The following CYP7B1 variants were observed in gnomAD, a reference collection of about 807,000 sequenced individuals.
The protein encoded by CYP7B1 is cytochrome P450 family 7 subfamily B member 1, also known as cytochrome P450 7B1.
Under a neutral mutation model 42.7 loss-of-function variants are expected in CYP7B1, and 29 were observed. That is an observed-to-expected ratio of 0.68 (90% CI 0.51 to 0.93). The LOEUF (loss-of-function observed/expected upper bound fraction) is 0.93. Ranked by LOEUF, CYP7B1 falls within the 40% of genes least tolerant of loss-of-function variation. CYP7B1 has a pLI of 0.00. For missense variants in CYP7B1, 655 were observed against 600.5 expected, an observed-to-expected ratio of 1.09 and a Z score of -0.95; for synonymous variants, 235 against 218.2, an observed-to-expected ratio of 1.08 and a Z score of -0.68.
At chr8:64,753,778 G>T (rs77795598) in intron 1 of CYP7B1, among the ~76,000 whole-genome samples, 3,029 of 152,348 alleles carry the variant, frequency 0.02, 107 homozygotes, top group African/African-American at 0.067. Context: ...GCGAGGAGAG[G>T]CCTCTCTGAG....
chr8:64,774,313 C>A (rs1804285343), intron 1 of CYP7B1, among the ~76,000 whole-genome samples: 1 of 152,148 alleles, frequency 6.6e-6, no homozygotes, highest in Non-Finnish European at 1.5e-5. Context: ...GCTAACAAAG[C>A]ATGTATATAG....
At chr8:64,599,544 G>C (rs1023434603) in intron 5 of CYP7B1, among the ~76,000 whole-genome samples, 1 of 152,164 alleles carries the variant, frequency 6.6e-6, no homozygotes, top group African/African-American at 2.4e-5. Flanking sequence ...CAATTAAAGA[G>C]AGCCAATTAA....
chr8:64,702,753 C>T (rs1274413204), intron 1 of CYP7B1, among the ~76,000 whole-genome samples: 4 of 151,900 alleles, frequency 2.6e-5, no homozygotes, highest in East Asian at 1.9e-4. Context: ...CTGGTGTGTG[C>T]GAAATAGTAT....
rs531324759 is a variant in CYP7B1, at chr8:64,592,861, T to C, written c.*3781A>G. Among the ~76,000 whole-genome samples, 1 of 152,370 alleles carries C rather than the reference T, an allele frequency of 6.6e-6. No individual in the cohort carries two copies. Among genetic ancestry groups the C allele is most frequent in the South Asian group, 2.1e-4 (1 of 4,832 alleles). On this transcript the variant is annotated 3_prime_UTR_variant, in exon 6 of 6. Transcript: ENST00000310193. ...ATGTCACAGCCAGAATCTGCATCTT[T>C]TAACTGATTTGTCCAGGACATGTTT...
At chr8:64,673,348 T>C (rs1806395266) in intron 1 of CYP7B1, among the ~76,000 whole-genome samples, 2 of 152,170 alleles carry the variant, frequency 1.3e-5, no homozygotes, top group South Asian at 4.1e-4. Context: ...TGATTTCAGA[T>C]GGCTTCCCAT....
chr8:64,749,564 T>C (rs891248785), intron 1 of CYP7B1, among the ~76,000 whole-genome samples: 3 of 152,204 alleles, frequency 2.0e-5, no homozygotes, highest in African/African-American at 7.2e-5. Flanking sequence ...TGAAGACTTA[T>C]TGAATCCTAA....
chr8:64,675,449 ATTAT>A, intron 1 of CYP7B1, among the ~76,000 whole-genome samples: 1 of 150,774 alleles, frequency 6.6e-6, no homozygotes, highest in South Asian at 2.1e-4. Flanking sequence ...GCATTATTTT[ATTAT>A]TTATTAATTT....
Position 64,615,389 on chromosome 8 carries a change from A to G in CYP7B1, c.851-157T>C, listed in dbSNP as rs995659735. On this transcript the variant is annotated intron_variant, in intron 3 of 5. Transcript: ENST00000310193. ...CTTCTGAAGTCTAATTTTCTGCTTAATGAGAATAGTTTAAAATGTAATGTG... is the reference window on the plus strand; with the variant it reads ...CTTCTGAAGTCTAATTTTCTGCTTAGTGAGAATAGTTTAAAATGTAATGTG... 4.6e-4 allele frequency among the ~76,000 whole-genome samples: 66 copies of G among 144,526 alleles called. 1 individual carries two copies. The highest frequency in any genetic ancestry group is 4.4e-3 in the Admixed American group (64 of 14,392). 94.8% of individuals were successfully genotyped at this position (144,526 alleles called of 152,430 possible).
At chr8:64,784,661 T>G (rs1382943257) in intron 1 of CYP7B1, among the ~76,000 whole-genome samples, 1 of 152,198 alleles carries the variant, frequency 6.6e-6, no homozygotes, top group African/African-American at 2.4e-5. Context: ...TCCAGGAATG[T>G]TTGATGCTCT....
At chr8:64,766,890 C>T (rs1405729936) in intron 1 of CYP7B1, among the ~76,000 whole-genome samples, 1 of 152,140 alleles carries the variant, frequency 6.6e-6, no homozygotes, top group Non-Finnish European at 1.5e-5. Flanking sequence ...GTCTCCTGGA[C>T]ACTGGTACAG....
At chr8:64,659,462 T>C (rs1350316709) in intron 1 of CYP7B1, among the ~76,000 whole-genome samples, 4 of 152,170 alleles carry the variant, frequency 2.6e-5, no homozygotes, top group South Asian at 2.1e-4. Context: ...TGATACAACA[T>C]ATACAATGCT....
At chr8:64,752,631 C>T (rs1030513406) in intron 1 of CYP7B1, among the ~76,000 whole-genome samples, 1 of 152,168 alleles carries the variant, frequency 6.6e-6, no homozygotes, top group Non-Finnish European at 1.5e-5. Context: ...CTAATGTTCT[C>T]TGTGTGAAAT....
intron 1 of CYP7B1, among the ~76,000 whole-genome samples, chr8:64,765,472 AC>A (rs2129633832): frequency 6.6e-6 from 1 of 152,338 alleles, no homozygotes; most frequent in Admixed American, 6.5e-5. Context: ...ATACTCAGGA[AC>A]CCAGCCCAGC....
chr8:64,742,351 C>T (rs1377220227), intron 1 of CYP7B1, among the ~76,000 whole-genome samples: 8 of 151,672 alleles, frequency 5.3e-5, no homozygotes, highest in South Asian at 2.1e-4. Flanking sequence ...TTTATATTTG[C>T]GGAGTAGTTT....
At chr8:64,648,222 T>A (rs1805983608) in intron 1 of CYP7B1, among the ~76,000 whole-genome samples, 1 of 152,202 alleles carries the variant, frequency 6.6e-6, no homozygotes, top group African/African-American at 2.4e-5. Flanking sequence ...GCCTTGTAAT[T>A]CACTTCTTAT....
intron 1 of CYP7B1, among the ~76,000 whole-genome samples, chr8:64,687,791 T>C (rs989846173): frequency 1.3e-5 from 2 of 152,208 alleles, no homozygotes; most frequent in African/African-American, 2.4e-5. Flanking sequence ...TTACTCCATA[T>C]AGCTGGGAAA....
intron 1 of CYP7B1, among the ~76,000 whole-genome samples, chr8:64,658,367 TA>T (rs1379071057): frequency 1.3e-5 from 2 of 152,204 alleles, no homozygotes; most frequent in Non-Finnish European, 2.9e-5. Flanking sequence ...CACTGTAATT[TA>T]AAACATTAGA....
intron 1 of CYP7B1, among the ~76,000 whole-genome samples, chr8:64,729,826 A>G (rs1807382225): frequency 6.6e-6 from 1 of 152,192 alleles, no homozygotes; most frequent in African/African-American, 2.4e-5. Context: ...CTTTTAATGT[A>G]AAGTTTCTTG....
At chr8:64,788,712 T>C (rs1429567913) in intron 1 of CYP7B1, among the ~76,000 whole-genome samples, 6 of 152,270 alleles carry the variant, frequency 3.9e-5, no homozygotes, top group African/African-American at 1.4e-4. Context: ...TTTATTTCAA[T>C]GTTTAAAATT....
Sources: allele counts gnomAD v4.1 joint callset (sites outside exome capture counted in the v4.1 genomes callset), GRCh38; gene constraint gnomAD v4.1.1; transcripts MANE v1.5; gene names NCBI Gene and HGNC (gene_info 2026-07-23, HGNC 2026-07-21).